B3GALT1: variants seen among roughly 807,000 people sequenced by gnomAD.
B3GALT1 encodes the protein beta-1,3-galactosyltransferase 1, also known as UDP-Gal:betaGlcNAc beta 1,3-galactosyltransferase, polypeptide 1.
Under a neutral mutation model 23.2 loss-of-function variants are expected in B3GALT1, and 10 were observed. That is an observed-to-expected ratio of 0.43 (90% CI 0.27 to 0.73). The LOEUF (loss-of-function observed/expected upper bound fraction) is 0.73, where lower values mean the gene tolerates loss of function less well. Among genes scored for constraint, B3GALT1 ranks in the 30% least tolerant of loss-of-function variants. B3GALT1 has a pLI of 0.21. For synonymous variants in B3GALT1, 156 were observed against 141.5 expected (o/e 1.10, Z -0.73); for missense variants, 299 against 405.4 (o/e 0.74, Z 2.25).
At chr2:167,832,908 G>C (rs536395383) in intron 4 of B3GALT1, among the ~76,000 whole-genome samples, 1 of 152,230 alleles carries the variant, frequency 6.6e-6, no homozygotes, top group East Asian at 1.9e-4. Context: ...TGGGGGAGGA[G>C]CGGCTGCACA....
rs1687481685 is a variant in B3GALT1, at chr2:167,735,711, C to T, written c.-351-82961C>T. 2.0e-5 allele frequency among the ~76,000 whole-genome samples: 3 copies of T among 152,334 alleles called. No individual in the cohort carries two copies. In the South Asian group the frequency reaches 6.2e-4, roughly 32 times the overall value. On this transcript the variant is annotated intron_variant, in intron 3 of 4. Transcript: ENST00000392690. ...TAATGCATAATGATTCATTGAACCT[C>T]TACTCTGTCCCAAGTGCCCTAGATA...
chr2:167,387,398 C>G (rs1231693805), intron 1 of B3GALT1, among the ~76,000 whole-genome samples: 1 of 151,832 alleles, frequency 6.6e-6, no homozygotes, highest in East Asian at 1.9e-4. Context: ...TGGATAAGGC[C>G]CTGTAGAGGA....
At position 167,565,514 on chromosome 2, in the gene B3GALT1, A is replaced by C. The variant is rs182289385; in HGVS notation, c.-410+75237A>C. 2.5e-3 allele frequency among the ~76,000 whole-genome samples: 387 copies of C among 152,238 alleles called. 1 individual carries two copies. Among genetic ancestry groups the C allele is most frequent in the Admixed American group, 4.7e-3 (72 of 15,286 alleles). On this transcript the variant is annotated intron_variant, in intron 2 of 4. Coordinates refer to ENST00000392690, the MANE Select transcript of B3GALT1 (RefSeq NM_020981.4). ...AAGCCAAAATTGACAAATGGGATGT[A>C]ATTAAACTAAGGAGATTCTGCACAG...
At chr2:167,711,170 CA>C (rs1457714618) in intron 3 of B3GALT1, among the ~76,000 whole-genome samples, 2 of 152,084 alleles carry the variant, frequency 1.3e-5, no homozygotes, top group African/African-American at 4.8e-5. Flanking sequence ...GCTCTTCCAC[CA>C]AAGCCTCTAA....
chr2:167,716,545 G>T (rs549377820), intron 3 of B3GALT1, among the ~76,000 whole-genome samples: 1 of 151,812 alleles, frequency 6.6e-6, no homozygotes, highest in South Asian at 2.1e-4. Flanking sequence ...TTTTAATTTG[G>T]CCTGCCCTGT....
At chr2:167,640,123 G>C (rs374044022) in intron 2 of B3GALT1, among the ~76,000 whole-genome samples, 10 of 152,206 alleles carry the variant, frequency 6.6e-5, no homozygotes, top group African/African-American at 1.9e-4. Context: ...AGTATGTTGT[G>C]AGATGTGCCA....
chr2:167,583,830 T>G (rs1684534121), intron 2 of B3GALT1, among the ~76,000 whole-genome samples: 1 of 152,204 alleles, frequency 6.6e-6, no homozygotes, highest in South Asian at 2.1e-4. Context: ...AAATTCTGCT[T>G]AAATTTTGGA....
chr2:167,851,467 CA>C (rs1259654699), intron 4 of B3GALT1, among the ~76,000 whole-genome samples: 1 of 152,134 alleles, frequency 6.6e-6, no homozygotes, highest in Non-Finnish European at 1.5e-5. Context: ...TGAGTAAAAA[CA>C]AAAATCTGTG....
At chr2:167,732,063 A>T (rs79679376) in intron 3 of B3GALT1, among the ~76,000 whole-genome samples, 3,474 of 152,260 alleles carry the variant, frequency 0.023, 51 homozygotes, top group Middle Eastern at 0.037. Flanking sequence ...ATACATTTCT[A>T]TGTGAATATG....
intron 4 of B3GALT1, among the ~76,000 whole-genome samples, chr2:167,867,069 G>A (rs895087572): frequency 6.6e-6 from 1 of 151,736 alleles, no homozygotes; most frequent in African/African-American, 2.4e-5. Flanking sequence ...TGGGACTACA[G>A]GCACCCGCCA....
In B3GALT1 at chr2:167,460,987, C is replaced by A. The variant is rs78714852; in HGVS notation, c.-510-29190C>A. ...TCCTAAAAGGGGTAAAAAGAGAGAA[C>A]TTAAGGGGAGGAAGGTCAGTGGTCG... On this transcript the variant is annotated intron_variant, in intron 1 of 4. Transcript: ENST00000392690. Among the ~76,000 whole-genome samples, 881 of 152,124 alleles carry A rather than the reference C, an allele frequency of 5.8e-3. 9 individuals carry two copies. Among genetic ancestry groups the A allele is most frequent in the African/African-American group, 0.02 (845 of 41,484 alleles).
intron 1 of B3GALT1, among the ~76,000 whole-genome samples, chr2:167,419,354 T>TC (rs1698515058): frequency 6.6e-6 from 1 of 152,228 alleles, no homozygotes. Flanking sequence ...CTTTAATTTG[T>TC]GTTTTTTCCT....
rs116551662 is a variant in B3GALT1 at position 167,580,962 on chromosome 2, G to A, written c.-409-65947G>A. 6.7e-3 allele frequency among the ~76,000 whole-genome samples: 1,013 copies of A among 152,268 alleles called. 7 individuals carry two copies. Among genetic ancestry groups the A allele is most frequent in the Non-Finnish European group, 0.011 (726 of 68,016 alleles). The stretch of plus-strand genomic sequence containing the variant: ...ATATTTGATTTTTTAAAATTTGGGA[G>A]AAACTCAGAATGGCCTCTTAAGTCT... On this transcript the variant is annotated intron_variant, in intron 2 of 4. Coordinates refer to ENST00000392690, the MANE Select transcript of B3GALT1 (RefSeq NM_020981.4).
At position 167,486,784 on chromosome 2, in the gene B3GALT1, AACTGATACTCAC is replaced by A. The variant is rs757797599; in HGVS notation, c.-510-3388_-510-3377del. Among the ~76,000 whole-genome samples the A allele has an allele frequency of 5.1e-4, 78 of 152,144 alleles. 1 individual carries two copies. The highest frequency in any genetic ancestry group is 9.0e-4 in the Non-Finnish European group (61 of 68,008). On this transcript the variant is annotated intron_variant, in intron 1 of 4. Coordinates refer to ENST00000392690, the MANE Select transcript of B3GALT1 (RefSeq NM_020981.4). The stretch of plus-strand genomic sequence containing the variant: ...GAAAGAATGACGAGGAAATACAGAG[AACTGATACTCAC>A]ACTGGCCAAAAGAAAGAATAGAAAG...
At chr2:167,591,442 G>C (rs951323956) in intron 2 of B3GALT1, among the ~76,000 whole-genome samples, 4 of 152,008 alleles carry the variant, frequency 2.6e-5, no homozygotes, top group Non-Finnish European at 5.9e-5. Context: ...GATTTGATCT[G>C]ATCCATGTTT....
chr2:167,576,028 G>T (rs1311308617), intron 2 of B3GALT1, among the ~76,000 whole-genome samples: 1 of 151,576 alleles, frequency 6.6e-6, no homozygotes, highest in Non-Finnish European at 1.5e-5. Context: ...CATATACTCA[G>T]TACACAGTGA....
In B3GALT1 at chr2:167,871,890, A is replaced by ATT. The variant is rs1690356070; in HGVS notation, c.*1870_*1871insTT. On this transcript the variant is annotated 3_prime_UTR_variant, in exon 5 of 5. Coordinates refer to ENST00000392690, the MANE Select transcript of B3GALT1 (RefSeq NM_020981.4). ...AAGAGTGTACCTTTTTTATTTATTT[A>ATT]CTTTTTTTTTTTTTTTTTTTTTTTT... 3.0e-5 allele frequency: 2 copies of ATT among 65,784 alleles called. No homozygotes were observed. Among genetic ancestry groups the ATT allele is most frequent in the Non-Finnish European group, 6.7e-5 (2 of 29,766 alleles). The allele number at this position is 65,784 out of a possible 1,614,324, so 4.1% of individuals were successfully genotyped here. A position where few individuals can be genotyped will look rare whatever the true frequency, so the allele number is the denominator to read the frequency against.
intron 1 of B3GALT1, among the ~76,000 whole-genome samples, chr2:167,324,436 A>T (rs1042874910): frequency 6.6e-6 from 1 of 152,066 alleles, no homozygotes; most frequent in South Asian, 2.1e-4. Context: ...GCTGATAATC[A>T]TGAGTAATCA....
intron 4 of B3GALT1, among the ~76,000 whole-genome samples, chr2:167,841,374 A>G (rs1035043990): frequency 2.0e-5 from 3 of 152,198 alleles, no homozygotes; most frequent in African/African-American, 7.2e-5. Flanking sequence ...ACATTTAATC[A>G]TTGTGACCAC....
Sources: gnomAD v4.1 joint callset for allele counts (sites outside exome capture counted in the v4.1 genomes callset) on GRCh38, gnomAD v4.1.1 for gene constraint, MANE v1.5 for transcripts, NCBI Gene and HGNC (gene_info 2026-07-23, HGNC 2026-07-21) for gene names.